The following SAMSN1 variants were observed in gnomAD, a reference collection of about 807,000 sequenced individuals.
SAMSN1 encodes the protein SAM domain-containing protein SAMSN-1.
In SAMSN1, 31 loss-of-function variants were observed where a neutral mutation model predicts 42.0. That is an observed-to-expected ratio of 0.74 (90% CI 0.55 to 1.00). SAMSN1 has a LOEUF of 1.00. SAMSN1 is among the 50% of genes least tolerant of loss of function. The pLI, the probability that SAMSN1 is intolerant of heterozygous loss-of-function variation, is 0.00. For missense variants in SAMSN1, 464 were observed against 439.4 expected, an observed-to-expected ratio of 1.06 and a Z score of -0.50; for synonymous variants, 178 against 151.9, an observed-to-expected ratio of 1.17 and a Z score of -1.26.
chr21:14,582,172 C>A, exon 2 of SAMSN1: 8 of 1,550,292 alleles, frequency 5.2e-6, no homozygotes, highest in Non-Finnish European at 7.0e-6. Context: ...AGCAGGAAGA[C>A]TTGAGACGTG....
At chr21:14,589,505 G>A (rs938394707) in intron 7 of SAMSN1, among the ~76,000 whole-genome samples, 2 of 151,698 alleles carry the variant, frequency 1.3e-5, no homozygotes, top group Non-Finnish European at 2.9e-5. Context: ...CAGATTTATA[G>A]GCCTATCCTC....
intron 7 of SAMSN1, among the ~76,000 whole-genome samples, chr21:14,592,846 G>A (rs1456024836): frequency 2.6e-5 from 4 of 152,050 alleles, no homozygotes; most frequent in African/African-American, 9.7e-5. Flanking sequence ...TCTAATTAAG[G>A]AATTTCATAA....
intron 6 of SAMSN1, among the ~76,000 whole-genome samples, chr21:14,594,436 G>A (rs1003621244): frequency 2.0e-5 from 3 of 152,070 alleles, no homozygotes; most frequent in African/African-American, 7.2e-5. Flanking sequence ...TGGTGGAAAG[G>A]GGGGATCCCG....
At chr21:14,583,840 T>A, upstream of SAMSN1, 1 of 681,490 alleles carries the variant, frequency 1.5e-6, no homozygotes, top group African/African-American at 1.8e-5. Context: ...ATATAAAATA[T>A]GTTGAGATCA....
At chr21:14,536,416 G>T (rs960604371) in intron 1 of SAMSN1, among the ~76,000 whole-genome samples, 1 of 152,178 alleles carries the variant, frequency 6.6e-6, no homozygotes, top group African/African-American at 2.4e-5. Flanking sequence ...TCCAAACAAA[G>T]GGGAGGCTAC....
chr21:14,488,022 A>G (rs1406395136), intron 7 of SAMSN1, among the ~76,000 whole-genome samples: 1 of 151,952 alleles, frequency 6.6e-6, no homozygotes. Flanking sequence ...AAAAGGCAGC[A>G]CTAAAATGGG....
chr21:14,488,712 G>T (rs1034265841), intron 7 of SAMSN1, among the ~76,000 whole-genome samples: 4 of 152,086 alleles, frequency 2.6e-5, no homozygotes, highest in African/African-American at 9.7e-5. Flanking sequence ...CCTTTCATCT[G>T]CAATTTTTAT....
intron 1 of SAMSN1, among the ~76,000 whole-genome samples, chr21:14,534,681 A>T (rs939277756): frequency 6.6e-6 from 1 of 152,080 alleles, no homozygotes; most frequent in Non-Finnish European, 1.5e-5. Context: ...AGAAGGAGAG[A>T]TTATTAAATG....
intron 5 of SAMSN1, among the ~76,000 whole-genome samples, chr21:14,507,577 A>C (rs997049474): frequency 6.6e-6 from 1 of 152,270 alleles, no homozygotes; most frequent in African/African-American, 2.4e-5. Context: ...AACATGTTCT[A>C]TGCCCATGGA....
intron 1 of SAMSN1, among the ~76,000 whole-genome samples, chr21:14,524,439 G>A (rs564563529): frequency 7.2e-5 from 11 of 152,230 alleles, no homozygotes; most frequent in African/African-American, 2.6e-4. Flanking sequence ...CTTTGTGTCT[G>A]TTGACTTTAG....
chr21:14,641,482 G>C (rs1291419395), intron 2 of SAMSN1, among the ~76,000 whole-genome samples: 1 of 152,108 alleles, frequency 6.6e-6, no homozygotes, highest in African/African-American at 2.4e-5. Flanking sequence ...CAAAAGATCT[G>C]AGTTTGTATC....
chr21:14,487,482 CT>C (rs1439910824), intron 7 of SAMSN1, among the ~76,000 whole-genome samples: 2 of 152,034 alleles, frequency 1.3e-5, no homozygotes, highest in Non-Finnish European at 2.9e-5. Flanking sequence ...GTAAGTTACC[CT>C]TGTGTTAATG....
intron 1 of SAMSN1, among the ~76,000 whole-genome samples, chr21:14,539,265 T>C (rs1979842005): frequency 6.6e-6 from 1 of 152,172 alleles, no homozygotes; most frequent in South Asian, 2.1e-4. Context: ...CCACTCCTAT[T>C]CAACATAGTG....
chr21:14,546,332 G>A, upstream of SAMSN1: 2 of 1,601,788 alleles, frequency 1.2e-6, no homozygotes, highest in Non-Finnish European at 8.5e-7. Context: ...AGTCAGCAGT[G>A]TGCTGTCTAA....
intron 2 of SAMSN1, among the ~76,000 whole-genome samples, chr21:14,625,957 A>C (rs1271746542): frequency 2.6e-5 from 4 of 152,124 alleles, no homozygotes; most frequent in African/African-American, 9.7e-5. Flanking sequence ...CAGAACTGAG[A>C]CCTCTGAAAT....
Position 14,622,969 on chromosome 21 carries a change from C to T in SAMSN1, c.157-6953G>A, listed in dbSNP as rs138041056. On this transcript the variant is annotated intron_variant, in intron 2 of 15. Transcript: ENST00000647101. Reference sequence around the variant, plus strand: ...GAAGAGAGTGGGGGCCAATATTCAACATTCTTAAAGAAAAGAATTTTCAAC... The same window carrying T: ...GAAGAGAGTGGGGGCCAATATTCAATATTCTTAAAGAAAAGAATTTTCAAC... 6.5e-3 allele frequency among the ~76,000 whole-genome samples: 989 copies of T among 152,324 alleles called. 15 individuals are homozygous for T. The highest frequency in any genetic ancestry group is 0.023 in the African/African-American group (969 of 41,552).
At chr21:14,537,059 T>G (rs1369781861) in intron 1 of SAMSN1, among the ~76,000 whole-genome samples, 1 of 152,226 alleles carries the variant, frequency 6.6e-6, no homozygotes, top group African/African-American at 2.4e-5. Flanking sequence ...CCCACTAAAC[T>G]GTAGGCCAGA....
At chr21:14,653,410 C>T (rs558836706) in intron 1 of SAMSN1, among the ~76,000 whole-genome samples, 2 of 151,902 alleles carry the variant, frequency 1.3e-5, no homozygotes, top group Admixed American at 6.6e-5. Flanking sequence ...AGACAAACAT[C>T]GCATGTTCTC....
At chr21:14,651,322 G>A (rs1451203938) in intron 1 of SAMSN1, among the ~76,000 whole-genome samples, 1 of 151,760 alleles carries the variant, frequency 6.6e-6, no homozygotes, top group East Asian at 1.9e-4. Flanking sequence ...CAATATATTA[G>A]AAAGATCATT....
Sources: allele counts gnomAD v4.1 joint callset (sites outside exome capture counted in the v4.1 genomes callset), GRCh38; gene constraint gnomAD v4.1.1; transcripts MANE v1.5; gene names NCBI Gene and HGNC (gene_info 2026-07-23, HGNC 2026-07-21).